SDCCAG8: variants seen among roughly 807,000 people sequenced by gnomAD.
The protein encoded by SDCCAG8 is SHH signaling and ciliogenesis regulator SDCCAG8.
Under a neutral mutation model 101.8 loss-of-function variants are expected in SDCCAG8, and 74 were observed. That is an observed-to-expected ratio of 0.73 (90% confidence interval 0.60 to 0.88). The LOEUF (loss-of-function observed/expected upper bound fraction) is 0.88. Ranked by LOEUF, SDCCAG8 falls within the 40% of genes least tolerant of loss-of-function variation. The probability of loss-of-function intolerance (pLI) is 0.00; values close to 1 mark genes in which losing one functional copy is unlikely to be tolerated. For synonymous variants in SDCCAG8, 281 were observed against 292.9 expected, an observed-to-expected ratio of 0.96 and a Z score of 0.41; for missense variants, 787 against 822.6, an observed-to-expected ratio of 0.96 and a Z score of 0.53.
chr1:243,454,762 G>A (rs10927022), intron 16 of SDCCAG8, among the ~76,000 whole-genome samples: 19,618 of 152,044 alleles, frequency 0.13, 1,325 homozygotes, highest in African/African-American at 0.17. Context: ...ATCTTGTTTA[G>A]TGAGCAGCAT....
intron 13 of SDCCAG8, among the ~76,000 whole-genome samples, chr1:243,389,532 A>G (rs1376592226): frequency 6.6e-6 from 1 of 152,198 alleles, no homozygotes; most frequent in Non-Finnish European, 1.5e-5. Context: ...TTTTATATCA[A>G]TTTTAAATTG....
chr1:243,330,768 G>A (rs1315925199), intron 10 of SDCCAG8, 76 bp downstream of exon 10: 2 of 1,451,436 alleles, frequency 1.4e-6, no homozygotes, highest in East Asian at 2.3e-5. Flanking sequence ...TCCATAGGCT[G>A]GAGTTCTTGA....
chr1:243,331,003 A>G (rs2074551547), intron 10 of SDCCAG8, among the ~76,000 whole-genome samples: 1 of 152,184 alleles, frequency 6.6e-6, no homozygotes, highest in African/African-American at 2.4e-5. Context: ...CGTGCTATGA[A>G]GATACCCAGA....
chr1:243,279,456 A>G (rs2068848038), intron 4 of SDCCAG8, among the ~76,000 whole-genome samples: 1 of 152,250 alleles, frequency 6.6e-6, no homozygotes, highest in South Asian at 2.1e-4. Flanking sequence ...GCATCATGAG[A>G]GAATATTATA....
intron 16 of SDCCAG8, among the ~76,000 whole-genome samples, chr1:243,462,425 G>A (rs534047639): frequency 1.3e-5 from 2 of 152,250 alleles, no homozygotes; most frequent in African/African-American, 2.4e-5. Flanking sequence ...GGCTGTGAAG[G>A]TAAGGACAGT....
Position 243,369,340 on chromosome 1 carries a change from T to A in SDCCAG8, c.1474-9381T>A, listed in dbSNP as rs115003962. ...ATAGTGTTGTCAGATGGTCATACTA[T>A]GAAAGGTACACATGTACTGTGACCG... is the stretch of plus-strand genomic sequence containing the variant. On this transcript the variant is annotated intron_variant, in intron 12 of 17. Transcript: ENST00000366541. Among the ~76,000 whole-genome samples the A allele has an allele frequency of 4.1e-3, 624 of 152,278 alleles. 5 individuals carry two copies. Among genetic ancestry groups the A allele is most frequent in the African/African-American group, 0.014 (584 of 41,562 alleles).
intron 12 of SDCCAG8, among the ~76,000 whole-genome samples, chr1:243,363,859 G>A (rs1558358180): frequency 1.3e-5 from 2 of 152,144 alleles, no homozygotes; most frequent in Admixed American, 1.3e-4. Context: ...TTACTCCTTT[G>A]TATGTGGAAG....
At chr1:243,312,235 C>T (rs939198660) in intron 8 of SDCCAG8, among the ~76,000 whole-genome samples, 5 of 152,112 alleles carry the variant, frequency 3.3e-5, no homozygotes, top group African/African-American at 1.2e-4. Context: ...GAAGCCTGCC[C>T]CCTCCATAAG....
intron 12 of SDCCAG8, among the ~76,000 whole-genome samples, chr1:243,370,741 C>A (rs1456676598): frequency 6.6e-6 from 1 of 151,942 alleles, no homozygotes; most frequent in Admixed American, 6.6e-5. Flanking sequence ...TGAGGAAGTG[C>A]TTCTGAATTT....
chr1:243,471,615 G>A (rs557615223), intron 16 of SDCCAG8, among the ~76,000 whole-genome samples: 4 of 152,100 alleles, frequency 2.6e-5, no homozygotes, highest in African/African-American at 4.8e-5. Context: ...TCAGGGGTTG[G>A]GGGGTGGAGG....
At chr1:243,486,425 C>T (rs1664851055) in intron 16 of SDCCAG8, among the ~76,000 whole-genome samples, 1 of 152,120 alleles carries the variant, frequency 6.6e-6, no homozygotes, top group Non-Finnish European at 1.5e-5. Context: ...GGGGCTCACA[C>T]CCAGGCACTT....
rs368367138 is a variant in SDCCAG8 at position 243,385,160 on chromosome 1, G to A, written c.1616+6297G>A. 3.8e-4 allele frequency among the ~76,000 whole-genome samples: 58 copies of A among 152,158 alleles called. 1 individual carries two copies. The South Asian group carries it at 0.012, about 32-fold the overall frequency. On this transcript the variant is annotated intron_variant, in intron 13 of 17. Coordinates refer to ENST00000366541, the MANE Select transcript of SDCCAG8 (RefSeq NM_006642.5). Reference sequence around the variant, plus strand: ...TCCCAGGACTTTGGGAGGCTGAGGCGGGCAGGTCACTTGAGCCCCAGGAGT... The same window carrying A: ...TCCCAGGACTTTGGGAGGCTGAGGCAGGCAGGTCACTTGAGCCCCAGGAGT...
rs779092727 is a variant in SDCCAG8 at position 243,299,867 on chromosome 1, A to ATT, written c.676-4832_676-4831dup. 1.8e-4 allele frequency among the ~76,000 whole-genome samples: 25 copies of ATT among 140,764 alleles called. 1 individual carries two copies. The highest frequency in any genetic ancestry group is 4.7e-4 in the African/African-American group (18 of 38,386). 92.3% of individuals were successfully genotyped at this position (140,764 alleles called of 152,430 possible). A position where few individuals can be genotyped will look rare whatever the true frequency, so the allele number is the denominator to read the frequency against. ...CTCTTTTTCTGTCTTCTTTGAATTA[A>ATT]TTTTTTTTTTTTTTTGAGACGGAGT... On this transcript the variant is annotated intron_variant, in intron 6 of 17. Coordinates refer to ENST00000366541, the MANE Select transcript of SDCCAG8 (RefSeq NM_006642.5).
At chr1:243,356,344 C>G (rs2076377357) in intron 12 of SDCCAG8, among the ~76,000 whole-genome samples, 1 of 130,698 alleles carries the variant, frequency 7.7e-6, no homozygotes, top group Admixed American at 9.5e-5. Context: ...AGACTTACTT[C>G]AATGGCTAGG....
chr1:243,387,013 A>G (rs1461834016), intron 13 of SDCCAG8, among the ~76,000 whole-genome samples: 2 of 152,198 alleles, frequency 1.3e-5, no homozygotes, highest in African/African-American at 2.4e-5. Context: ...TTTTTCAAGT[A>G]TTTATTTTTG....
In SDCCAG8 at chr1:243,374,834, G is replaced by A. The variant is rs940622009; in HGVS notation, c.1474-3887G>A. ...AGGCCATACATAAGGTGCCAAGAAG[G>A]ATATATCCAGTTCTTAAAAGAACAT... On this transcript the variant is annotated intron_variant, in intron 12 of 17. Transcript: ENST00000366541. Among the ~76,000 whole-genome samples the A allele has an allele frequency of 4.0e-5, 6 of 151,890 alleles. No individual in the cohort carries two copies. In the East Asian group the frequency reaches 9.7e-4, roughly 24 times the overall value.
intron 12 of SDCCAG8, among the ~76,000 whole-genome samples, chr1:243,370,772 T>A (rs370005795): frequency 6.6e-6 from 1 of 152,148 alleles, no homozygotes; most frequent in East Asian, 1.9e-4. Context: ...TTGATGCCAC[T>A]TCTGTTAACA....
chr1:243,331,828 T>C (rs1285812096), intron 10 of SDCCAG8, among the ~76,000 whole-genome samples: 1 of 152,216 alleles, frequency 6.6e-6, no homozygotes, highest in African/African-American at 2.4e-5. Context: ...CTGGGAATGT[T>C]GTAGTCACAG....
chr1:243,448,890 C>T (rs1051391516), intron 16 of SDCCAG8, among the ~76,000 whole-genome samples: 44 of 152,200 alleles, frequency 2.9e-4, no homozygotes, highest in African/African-American at 1.0e-3. Flanking sequence ...TTTTATCATC[C>T]TTTTTATCTC....
Sources: allele counts gnomAD v4.1 joint callset (sites outside exome capture counted in the v4.1 genomes callset), GRCh38; gene constraint gnomAD v4.1.1; transcripts MANE v1.5; gene names NCBI Gene and HGNC (gene_info 2026-07-23, HGNC 2026-07-21).